Variants in TBKBP1 observed in about 807,000 individuals in gnomAD.
TBKBP1 encodes TBK1 binding protein 1.
A neutral mutation model predicts 69.9 loss-of-function variants in TBKBP1; 47 were observed. That is an observed-to-expected ratio of 0.67 (90% confidence interval 0.53 to 0.86). The LOEUF (loss-of-function observed/expected upper bound fraction) is 0.86. Ranked by LOEUF, TBKBP1 falls within the 40% of genes least tolerant of loss-of-function variation. The probability of loss-of-function intolerance (pLI) is 0.00; values close to 1 mark genes in which losing one functional copy is unlikely to be tolerated. For synonymous variants in TBKBP1, 418 were observed against 390.3 expected (o/e 1.07, Z -0.84); for missense variants, 831 against 858.6 (o/e 0.97, Z 0.40).
rs1300375913 is a variant in TBKBP1 at position 47,709,591 on chromosome 17, C to T, written c.1719+139C>T. Reference sequence around the variant, plus strand: ...TTCACCCTCCTTGGACCCCGGGCCACAGTCTAGGTCCTTTCACCTCCCTTT... The same window carrying T: ...TTCACCCTCCTTGGACCCCGGGCCATAGTCTAGGTCCTTTCACCTCCCTTT... On this transcript the variant is annotated intron_variant, in intron 9 of 9. Coordinates refer to ENST00000578982, the MANE Select transcript of TBKBP1 (RefSeq NM_001394755.1). The T allele has an allele frequency of 3.2e-6, 4 of 1,258,342 alleles. No individual in the cohort carries two copies. In the East Asian group the frequency reaches 1.3e-4, roughly 40 times the overall value. 77.9% of individuals were successfully genotyped at this position (1,258,342 alleles called of 1,614,324 possible). A position where few individuals can be genotyped will look rare whatever the true frequency, so the allele number is the denominator to read the frequency against.
intron 4 of TBKBP1, 141 bp downstream of exon 4, chr17:47,697,334 T>C (rs1240133860): frequency 2.7e-6 from 2 of 740,854 alleles, no homozygotes; most frequent in African/African-American, 3.5e-5. Flanking sequence ...TGTGCCCTGC[T>C]TGTGTTCATG....
chr17:47,709,574 C>T (rs529241239), intron 9 of TBKBP1, 122 bp downstream of exon 9: 5 of 1,339,604 alleles, frequency 3.7e-6, no homozygotes, highest in Admixed American at 3.6e-5. Flanking sequence ...TATTCACCCT[C>T]CTTGGACCCC....
In TBKBP1 at chr17:47,708,647, G is replaced by T. The variant is rs1282360899; in HGVS notation, c.992-78G>T. 4.9e-6 allele frequency: 7 copies of T among 1,422,378 alleles called. No individual in the cohort carries two copies. The highest frequency in any genetic ancestry group is 2.5e-5 in the East Asian group (1 of 40,146). The allele number at this position is 1,422,378 out of a possible 1,614,324, so 88.1% of individuals were successfully genotyped here. The stretch of plus-strand genomic sequence containing the variant: ...CTGGAGTTGGTGGGCATGGGTCCGG[G>T]CAAGCCCCTGGCGCTCCAGTTCTGA... On this transcript the variant is annotated intron_variant, in intron 8 of 9. Transcript: ENST00000578982. This position sits in a 1 kb window ranked among gnomAD's most constrained non-coding sequence, Gnocchi z 4.4.
chr17:47,706,539 C>T (rs1260631852), intron 7 of TBKBP1, among the ~76,000 whole-genome samples: 1 of 152,178 alleles, frequency 6.6e-6, no homozygotes, highest in Non-Finnish European at 1.5e-5. Flanking sequence ...GGACTCCTTC[C>T]TCTCTGCCTG....
Position 47,696,136 on chromosome 17 carries a change from C to T in TBKBP1, c.24C>T (p.Asp8=), listed in dbSNP as rs550234618. 10 of 1,612,566 alleles carry T rather than the reference C, an allele frequency of 6.2e-6. No homozygotes were observed. In the African/African-American group the frequency reaches 1.1e-4, roughly 17 times the overall value. The stretch of plus-strand genomic sequence containing the variant: ...CCATGGAGTCCATGTTCGAGGACGA[C>T]ATCAGCATCCTGACGCAGGAGGCCC... The part of the protein sequence containing the change: MESMFED[D]ISILTQEALG... Residue 8 remains aspartate, a synonymous_variant, in exon 2 of 10, where the codon GAC becomes GAT. Transcript: ENST00000578982.
Position 47,706,405 on chromosome 17 carries a change from G to A in TBKBP1, c.873-1989G>A, listed in dbSNP as rs1463973454. Among the ~76,000 whole-genome samples, 2 of 152,158 alleles carry A rather than the reference G, an allele frequency of 1.3e-5. 1 individual carries two copies. Among genetic ancestry groups the A allele is most frequent in the East Asian group, 3.9e-4 (2 of 5,194 alleles). The stretch of plus-strand genomic sequence containing the variant: ...ACACCTGGACCTCCCAGTCTGATGG[G>A]GGAGATGCCATTTCTTCCCACAGAC... On this transcript the variant is annotated intron_variant, in intron 7 of 9. Transcript: ENST00000578982.
At chr17:47,704,427 A>AG (rs1229404628) in intron 7 of TBKBP1, among the ~76,000 whole-genome samples, 1 of 152,038 alleles carries the variant, frequency 6.6e-6, no homozygotes, top group African/African-American at 2.4e-5. Flanking sequence ...CCCCTCCCCG[A>AG]GGGTCGGGCG....
At position 47,710,533 on chromosome 17, in the gene TBKBP1, C is replaced by T. The variant is rs1226371728; in HGVS notation, c.1755C>T (p.Ser585=). 1.2e-6 allele frequency: 2 copies of T among 1,612,094 alleles called. No individual in the cohort carries two copies. The highest frequency in any genetic ancestry group is 2.7e-5 in the African/African-American group (2 of 74,894). ...LMETVGSDIR[S]CPLCQLGFPV... ...AGACGGTGGGCTCCGACATCCGCAGCTGCCCCCTCTGCCAGCTGGGTTTCC... is the reference window on the plus strand; with the variant it reads ...AGACGGTGGGCTCCGACATCCGCAGTTGCCCCCTCTGCCAGCTGGGTTTCC... The change falls in exon 10 of 10, where the codon AGC becomes AGT. Residue 585 remains serine (S), a synonymous_variant. Transcript: ENST00000578982.
chr17:47,704,022 G>A (rs2031614137), intron 7 of TBKBP1, among the ~76,000 whole-genome samples: 1 of 152,152 alleles, frequency 6.6e-6, no homozygotes, highest in East Asian at 1.9e-4. Flanking sequence ...GTGATTTGTT[G>A]ACCAGACTGG....
At chr17:47,696,459 GTCT>G in intron 2 of TBKBP1, 122 bp downstream of exon 2, 1 of 1,242,144 alleles carries the variant, frequency 8.1e-7, no homozygotes, top group Non-Finnish European at 1.1e-6. Context: ...GAACTTGAGG[GTCT>G]CCCATGAGAG....
intron 1 of TBKBP1, among the ~76,000 whole-genome samples, chr17:47,694,415 C>T (rs1279144457): frequency 6.6e-6 from 1 of 151,868 alleles, no homozygotes; most frequent in Non-Finnish European, 1.5e-5. Flanking sequence ...TTCCCCGGCC[C>T]CGAGAGGGTG....
At chr17:47,698,373 G>A (rs1022148641) in intron 4 of TBKBP1, among the ~76,000 whole-genome samples, 21 of 152,212 alleles carry the variant, frequency 1.4e-4, no homozygotes, top group African/African-American at 5.1e-4. Flanking sequence ...GTGTCCCTGT[G>A]TGTTAATGAC....
At chr17:47,696,863 G>A (rs780283676) in intron 3 of TBKBP1, 30 bp downstream of exon 3, 3 of 1,610,608 alleles carry the variant, frequency 1.9e-6, no homozygotes, top group Non-Finnish European at 2.5e-6. Flanking sequence ...CGCACCCCCT[G>A]AGCATCTTGC....
chr17:47,708,627 G>A lies in TBKBP1; in HGVS notation c.992-98G>A. On this transcript the variant is annotated intron_variant, in intron 8 of 9. Coordinates refer to ENST00000578982, the MANE Select transcript of TBKBP1 (RefSeq NM_001394755.1). This position sits in a 1 kb window ranked among gnomAD's most constrained non-coding sequence, Gnocchi z 4.4. The stretch of plus-strand genomic sequence containing the variant: ...TTTATTTCCTTTCCTGTGGCCTGGA[G>A]TTGGTGGGCATGGGTCCGGGCAAGC... 7.0e-7 allele frequency: 1 copy of A among 1,433,258 alleles called. No individual in the cohort carries two copies. 88.8% of individuals were successfully genotyped at this position (1,433,258 alleles called of 1,614,324 possible).
chr17:47,705,244 G>C (rs945320062), intron 7 of TBKBP1, among the ~76,000 whole-genome samples: 2 of 152,158 alleles, frequency 1.3e-5, no homozygotes, highest in African/African-American at 4.8e-5. Context: ...TGGAGTCTAG[G>C]GGGCAGAGCT....
intron 5 of TBKBP1, 86 bp downstream of exon 5, chr17:47,698,861 C>A: frequency 1.6e-6 from 2 of 1,228,080 alleles, no homozygotes; most frequent in South Asian, 1.6e-5. Context: ...CTTACCATCC[C>A]ATTTGTAATA....
intron 5 of TBKBP1, among the ~76,000 whole-genome samples, chr17:47,699,012 G>A (rs114649815): frequency 4.9e-4 from 74 of 151,896 alleles, no homozygotes; most frequent in African/African-American, 1.7e-3. Context: ...AGCAGAGGGC[G>A]CCCCCACCCA....
At position 47,710,440 on chromosome 17, in the gene TBKBP1, A is replaced by G. The variant is rs369890893; in HGVS notation, c.1720-58A>G. 14 of 1,573,562 alleles carry G rather than the reference A, an allele frequency of 8.9e-6. No homozygotes were observed. The East Asian group carries it at 1.1e-4, about 13-fold the overall frequency. ...GGGTCCTGGGACAGGGCAGGCTGGG[A>G]TGTGGGGACCATGGGTGGGGGCTGG... is the stretch of plus-strand genomic sequence containing the variant. On this transcript the variant is annotated intron_variant, in intron 9 of 9. Transcript: ENST00000578982.
At chr17:47,704,412 G>A (rs1202726098) in intron 7 of TBKBP1, among the ~76,000 whole-genome samples, 1 of 152,246 alleles carries the variant, frequency 6.6e-6, no homozygotes, top group Non-Finnish European at 1.5e-5. Flanking sequence ...CCCGGTGCCT[G>A]TGGTCCCCTC....
Sources: allele counts gnomAD v4.1 joint callset (sites outside exome capture counted in the v4.1 genomes callset), GRCh38; gene constraint gnomAD v4.1.1; non-coding constraint Gnocchi (gnomAD v3.1); transcripts MANE v1.5; gene names NCBI Gene and HGNC (gene_info 2026-07-23, HGNC 2026-07-21).